Variants in FAH observed in about 807,000 individuals in gnomAD.
FAH encodes fumarylacetoacetate hydrolase, also known as fumarylacetoacetase.
A neutral mutation model predicts 55.8 loss-of-function variants in FAH; 47 were observed. That is an observed-to-expected ratio of 0.84 (90% confidence interval 0.67 to 1.07). FAH has a LOEUF of 1.07. FAH is among the 50% of genes least tolerant of loss of function. The pLI, the probability that FAH is intolerant of heterozygous loss-of-function variation, is 0.00. For synonymous variants in FAH, 199 were observed against 207.7 expected, an observed-to-expected ratio of 0.96 and a Z score of 0.36; for missense variants, 495 against 545.9, an observed-to-expected ratio of 0.91 and a Z score of 0.93.
intron 5 of FAH, among the ~76,000 whole-genome samples, chr15:80,165,447 G>C (rs779594008): frequency 6.6e-6 from 1 of 151,836 alleles, no homozygotes; most frequent in Non-Finnish European, 1.5e-5. Flanking sequence ...AGAATCACTT[G>C]AACCTGGGAG....
chr15:80,153,677 C>T (rs890703215), intron 1 of FAH, among the ~76,000 whole-genome samples: 1 of 152,202 alleles, frequency 6.6e-6, no homozygotes, highest in Non-Finnish European at 1.5e-5. Flanking sequence ...CTTTCAGCTC[C>T]TGGTGTGGGC....
rs377313331 is a variant in FAH at position 80,172,129 on chromosome 15, T to C, written c.607-20T>C. 3.2e-6 allele frequency: 5 copies of C among 1,584,692 alleles called. No homozygotes were observed. The highest frequency in any genetic ancestry group is 4.3e-6 in the Non-Finnish European group (5 of 1,153,522). ...GCGGCAGATCAGCTCCAGATTCTAATGAACTCTCCCCCATGTAAGGCTTTT... is the reference window on the plus strand; with the variant it reads ...GCGGCAGATCAGCTCCAGATTCTAACGAACTCTCCCCCATGTAAGGCTTTT... On this transcript the variant is annotated intron_variant, in intron 7 of 13. Coordinates refer to ENST00000561421, the MANE Select transcript of FAH (RefSeq NM_000137.4).
In FAH at chr15:80,180,160, C is replaced by T; in HGVS notation, c.997C>T (p.His333Tyr). Residue 333 changes from histidine (H) to tyrosine (Y), a missense_variant, in exon 12 of 14, where the codon CAC becomes TAC. Transcript: ENST00000561421. ...YWTMLQQLTH[H>Y]SVNGCNLRPG... Reference sequence around the variant, plus strand: ...GACGATGCTGCAGCAGCTCACTCACCACTCTGTCAACGGCTGCAACCTGCG... The same window carrying T: ...GACGATGCTGCAGCAGCTCACTCACTACTCTGTCAACGGCTGCAACCTGCG... 6.2e-7 allele frequency: 1 copy of T among 1,611,172 alleles called. No homozygotes were observed. The highest frequency in any genetic ancestry group is 8.5e-7 in the Non-Finnish European group (1 of 1,179,974).
chr15:80,173,421 G>C, intron 9 of FAH: 3 of 538,964 alleles, frequency 5.6e-6, no homozygotes, highest in Non-Finnish European at 1.0e-5. Flanking sequence ...GGGGGATCTG[G>C]CCAGTTGGCA....
intron 7 of FAH, 102 bp from the exon 8 acceptor site, chr15:80,172,047 C>A: frequency 1.2e-6 from 1 of 858,754 alleles, no homozygotes; most frequent in Non-Finnish European, 2.0e-6. Context: ...CAGTCCTGGT[C>A]CATGGCTGGA....
chr15:80,163,231 C>T (rs2041164456), intron 5 of FAH: 1 of 152,478 alleles, frequency 6.6e-6, no homozygotes, highest in Admixed American at 6.5e-5. Context: ...GAATCTGAGA[C>T]CAGAACCCAG....
intron 1 of FAH, among the ~76,000 whole-genome samples, chr15:80,154,551 C>A (rs928958180): frequency 7.2e-5 from 11 of 152,226 alleles, no homozygotes; most frequent in African/African-American, 2.7e-4. Context: ...GCTGAACAAG[C>A]CTCTTCTGAA....
At position 80,180,546 on chromosome 15, in the gene FAH, G is replaced by A. The variant is rs1017243968; in HGVS notation, c.1062+321G>A. ...ATCTCACACTACACCCTCCCAGGAT[G>A]AGGTGGCCATGCTGCTGTGCCCCTT... On this transcript the variant is annotated intron_variant, in intron 12 of 13. Coordinates refer to ENST00000561421, the MANE Select transcript of FAH (RefSeq NM_000137.4). 5.9e-5 allele frequency among the ~76,000 whole-genome samples: 9 copies of A among 152,300 alleles called. No homozygotes were observed. The East Asian group carries it at 1.7e-3, about 29-fold the overall frequency.
At chr15:80,171,239 C>T (rs568897481) in intron 7 of FAH, among the ~76,000 whole-genome samples, 1 of 151,974 alleles carries the variant, frequency 6.6e-6, no homozygotes, top group East Asian at 1.9e-4. Context: ...TGCTATCCCT[C>T]CCTCTTCCCC....
chr15:80,159,897 AG>A lies in FAH; in HGVS notation c.314+26del. On this transcript the variant is annotated intron_variant, in intron 3 of 13. Transcript: ENST00000561421. ...GAAGTGGTGAGAAGCACGTGGTCAT[AG>A]GGGGGATGAGGGGATGCAGCAGGGG... 2 of 1,612,860 alleles carry A rather than the reference AG, an allele frequency of 1.2e-6. No homozygotes were observed. The highest frequency in any genetic ancestry group is 2.2e-5 in the East Asian group (1 of 44,896).
intron 3 of FAH, 155 bp downstream of exon 3, chr15:80,160,032 A>G (rs2041135279): frequency 9.6e-7 from 1 of 1,040,052 alleles, no homozygotes; most frequent in African/African-American, 1.6e-5. Flanking sequence ...CTGCCTATTG[A>G]TGGGAGGGCT....
intron 7 of FAH, among the ~76,000 whole-genome samples, chr15:80,168,930 C>T (rs1376928223): frequency 1.3e-5 from 2 of 152,166 alleles, no homozygotes; most frequent in Non-Finnish European, 2.9e-5. Context: ...TTACATAAAG[C>T]ATTTTTAAGC....
At chr15:80,180,455 T>C (rs2041321622) in intron 12 of FAH, 3 of 552,198 alleles carry the variant, frequency 5.4e-6, no homozygotes, top group East Asian at 3.2e-5. Flanking sequence ...TCTGCCTCTG[T>C]AGGGGAGCAG....
chr15:80,185,497 G>A (rs1263042622), intron 13 of FAH, among the ~76,000 whole-genome samples: 6 of 152,180 alleles, frequency 3.9e-5, no homozygotes, highest in Admixed American at 3.3e-4. Flanking sequence ...GGGGAGAGTT[G>A]ACCACTGTAT....
chr15:80,172,718 C>G (rs2041251296), intron 8 of FAH, among the ~76,000 whole-genome samples: 1 of 152,212 alleles, frequency 6.6e-6, no homozygotes, highest in Non-Finnish European at 1.5e-5. Flanking sequence ...CCATAAGCCC[C>G]AGAAAGTGTC....
At chr15:80,184,184 A>G (rs1005240850) in intron 13 of FAH, among the ~76,000 whole-genome samples, 5 of 152,234 alleles carry the variant, frequency 3.3e-5, no homozygotes, top group African/African-American at 1.2e-4. Context: ...ACTGCTGGAC[A>G]CATGCATTTC....
intron 9 of FAH, 180 bp downstream of exon 9, chr15:80,173,324 ATCAT>A: frequency 1.3e-6 from 1 of 769,572 alleles, no homozygotes; most frequent in East Asian, 2.6e-5. Flanking sequence ...CAGCCAGGGC[ATCAT>A]TCTCCCTTGT....
intron 7 of FAH, among the ~76,000 whole-genome samples, chr15:80,171,807 C>T (rs927293952): frequency 5.9e-5 from 9 of 152,172 alleles, no homozygotes; most frequent in Admixed American, 6.5e-5. Flanking sequence ...TTCAGTTTTA[C>T]AAGCCTCATG....
intron 2 of FAH, among the ~76,000 whole-genome samples, chr15:80,158,540 C>T (rs561624990): frequency 2.0e-4 from 31 of 152,336 alleles, no homozygotes; most frequent in Middle Eastern, 3.4e-3. Flanking sequence ...GAGGGAGCTA[C>T]GAGCCCAGCC....
Sources: allele counts gnomAD v4.1 joint callset (sites outside exome capture counted in the v4.1 genomes callset), GRCh38; gene constraint gnomAD v4.1.1; transcripts MANE v1.5; gene names NCBI Gene and HGNC (gene_info 2026-07-23, HGNC 2026-07-21).